FAM219A: variants seen among roughly 807,000 people sequenced by gnomAD.
FAM219A encodes family with sequence similarity 219 member A.
In FAM219A, 7 loss-of-function variants were observed where a neutral mutation model predicts 23.4. That is an observed-to-expected ratio of 0.30 (90% CI 0.17 to 0.56). The LOEUF is 0.56. Ranked by LOEUF, FAM219A falls within the 20% of genes least tolerant of loss-of-function variation. The pLI, the probability that FAM219A is intolerant of heterozygous loss-of-function variation, is 0.92. For synonymous variants in FAM219A, 93 were observed against 99.0 expected (o/e 0.94, Z 0.36); for missense variants, 166 against 246.9 (o/e 0.67, Z 2.20).
intron 1 of FAM219A, among the ~76,000 whole-genome samples, chr9:34,438,503 T>C (rs1170523721): frequency 6.6e-6 from 1 of 151,998 alleles, no homozygotes; most frequent in Non-Finnish European, 1.5e-5. Context: ...GGTTTGTGAA[T>C]GCACCAATGG....
chr9:34,428,201 T>C (rs1396568972), intron 1 of FAM219A, among the ~76,000 whole-genome samples: 1 of 152,156 alleles, frequency 6.6e-6, no homozygotes, highest in East Asian at 1.9e-4. Context: ...CTGGTTCTTG[T>C]AACCATGTTC....
intron 1 of FAM219A, among the ~76,000 whole-genome samples, chr9:34,407,572 C>T (rs1163802385): frequency 6.6e-6 from 1 of 152,134 alleles, no homozygotes; most frequent in Non-Finnish European, 1.5e-5. Context: ...TCAAAGCATG[C>T]AGGGAGGGAC....
chr9:34,413,073 G>A (rs548372279), intron 1 of FAM219A, among the ~76,000 whole-genome samples: 12 of 152,146 alleles, frequency 7.9e-5, no homozygotes, highest in African/African-American at 2.7e-4. Flanking sequence ...ATGTTTGAGG[G>A]GGCATGGTCT....
At chr9:34,401,780 C>T in intron 4 of FAM219A, 60 bp from the exon 5 acceptor site, 1 of 1,548,956 alleles carries the variant, frequency 6.5e-7, no homozygotes, top group Non-Finnish European at 8.8e-7. Context: ...AAACTCTCTG[C>T]AATCCCACCT....
rs753739133 is a variant in FAM219A, at chr9:34,405,845, C to T, written c.160+20G>A. Reference sequence around the variant, plus strand: ...TCTTGCCTACTCCCCACATCTCCCTCACCCCCCAGACACACTCACCCAGCT... The same window carrying T: ...TCTTGCCTACTCCCCACATCTCCCTTACCCCCCAGACACACTCACCCAGCT... On this transcript the variant is annotated intron_variant, in intron 2 of 5. Coordinates refer to ENST00000651358, the MANE Select transcript of FAM219A (RefSeq NM_001184940.2). 146 of 1,612,214 alleles carry T rather than the reference C, an allele frequency of 9.1e-5. 1 individual carries two copies. Among genetic ancestry groups the T allele is most frequent in the Non-Finnish European group, 1.2e-4 (142 of 1,178,770 alleles).
intron 1 of FAM219A, among the ~76,000 whole-genome samples, chr9:34,450,193 G>C (rs1205292029): frequency 6.6e-6 from 1 of 151,684 alleles, no homozygotes; most frequent in East Asian, 2.0e-4. Context: ...CGTGAATGTA[G>C]TCCCAGCTAC....
intron 1 of FAM219A, among the ~76,000 whole-genome samples, chr9:34,453,060 T>C (rs928427654): frequency 6.6e-6 from 1 of 152,102 alleles, no homozygotes; most frequent in Non-Finnish European, 1.5e-5. Flanking sequence ...ACAAACCTGA[T>C]CCTCAGTTTG....
chr9:34,401,283 C>T (rs1210826314), intron 5 of FAM219A, among the ~76,000 whole-genome samples, 161 bp from the exon 6 acceptor site: 1 of 152,164 alleles, frequency 6.6e-6, no homozygotes, highest in African/African-American at 2.4e-5. Flanking sequence ...CCGCTCCTGC[C>T]TAGGCGCCCT....
intron 1 of FAM219A, chr9:34,406,351 T>A: frequency 1.0e-6 from 1 of 985,424 alleles, no homozygotes; most frequent in Non-Finnish European, 1.2e-6. Flanking sequence ...CCTAGGTTCC[T>A]GTGAGTTTAA....
intron 1 of FAM219A, among the ~76,000 whole-genome samples, chr9:34,438,312 C>CA (rs1422146065): frequency 2.0e-5 from 3 of 152,228 alleles, no homozygotes; most frequent in African/African-American, 7.2e-5. Context: ...ATCGACCACA[C>CA]AAGGGCTGAG....
intron 1 of FAM219A, among the ~76,000 whole-genome samples, chr9:34,407,174 G>A (rs1821668112): frequency 6.6e-6 from 1 of 151,990 alleles, no homozygotes; most frequent in South Asian, 2.1e-4. Context: ...CCGTGCAAGT[G>A]GCTGAAGTCA....
chr9:34,405,452 C>T (rs911859111), intron 2 of FAM219A, among the ~76,000 whole-genome samples: 6 of 152,178 alleles, frequency 3.9e-5, no homozygotes, highest in Non-Finnish European at 2.9e-5. Context: ...AGATTGTAAT[C>T]GGGAGAGGGG....
intron 1 of FAM219A, among the ~76,000 whole-genome samples, chr9:34,419,259 A>C (rs1372626541): frequency 1.3e-5 from 2 of 151,900 alleles, no homozygotes; most frequent in Non-Finnish European, 2.9e-5. Flanking sequence ...TCATATTCAG[A>C]TTCAGACAAC....
chr9:34,439,393 G>C (rs754070069), intron 1 of FAM219A, among the ~76,000 whole-genome samples: 8 of 152,156 alleles, frequency 5.3e-5, no homozygotes, highest in Non-Finnish European at 7.3e-5. Context: ...AAGCTATTTA[G>C]TGAATGTCCA....
intron 1 of FAM219A, among the ~76,000 whole-genome samples, chr9:34,434,812 T>TTTTC (rs141762948): frequency 1.3e-5 from 2 of 151,478 alleles, no homozygotes; most frequent in Non-Finnish European, 2.9e-5. Context: ...ATGTTGATGG[T>TTTTC]TTTCTTTCTT....
rs1015276064 is a variant in FAM219A, at chr9:34,457,361, C to T, written c.60+843G>A. 2.6e-5 allele frequency: 4 copies of T among 152,688 alleles called. No homozygotes were observed. The highest frequency in any genetic ancestry group is 5.9e-5 in the Non-Finnish European group (4 of 68,262). The allele number at this position is 152,688 out of a possible 1,614,324, so 9.5% of individuals were successfully genotyped here. A position where few individuals can be genotyped will look rare whatever the true frequency, so the allele number is the denominator to read the frequency against. ...AGCCTCGGTGCACCCGAGTTGCCCTCCCCCTTCCATTCCCTCCGCGCCAGC... is the reference window on the plus strand; with the variant it reads ...AGCCTCGGTGCACCCGAGTTGCCCTTCCCCTTCCATTCCCTCCGCGCCAGC... On this transcript the variant is annotated intron_variant, in intron 1 of 5. Transcript: ENST00000651358. The surrounding 1 kb of genome is among the most constrained non-coding windows in gnomAD (Gnocchi z 5.1).
At chr9:34,444,367 C>T (rs1050468558) in intron 1 of FAM219A, among the ~76,000 whole-genome samples, 6 of 152,188 alleles carry the variant, frequency 3.9e-5, no homozygotes, top group African/African-American at 1.4e-4. Flanking sequence ...CCTCCAAGAT[C>T]CCCAGAGACT....
chr9:34,401,567 C>A (rs547835156), intron 5 of FAM219A, 99 bp downstream of exon 5: 200 of 1,394,190 alleles, frequency 1.4e-4, no homozygotes, highest in Non-Finnish European at 1.9e-4. Context: ...CTTGCCCAGC[C>A]CTCTTTTTCC....
At chr9:34,426,517 A>G (rs553169139) in intron 1 of FAM219A, among the ~76,000 whole-genome samples, 2 of 152,350 alleles carry the variant, frequency 1.3e-5, no homozygotes, top group South Asian at 2.1e-4. Flanking sequence ...CTGCTTTGAC[A>G]TGCTGATGTT....
Sources: gnomAD v4.1 joint callset for allele counts (sites outside exome capture counted in the v4.1 genomes callset) on GRCh38, gnomAD v4.1.1 for gene constraint, Gnocchi (gnomAD v3.1) non-coding constraint, MANE v1.5 for transcripts, NCBI Gene and HGNC (gene_info 2026-07-23, HGNC 2026-07-21) for gene names.